The following ARMH4 variants were observed in gnomAD, a reference collection of about 807,000 sequenced individuals.
The protein encoded by ARMH4 is armadillo like helical domain containing 4, also known as armadillo-like helical domain-containing protein 4.
In ARMH4, 49 loss-of-function variants were observed where a neutral mutation model predicts 61.9. The observed-to-expected ratio is 0.79, with a 90% CI of 0.63 to 1.00. The LOEUF is 1.00. ARMH4 is among the 50% of genes least tolerant of loss of function. ARMH4 has a pLI of 0.00. For synonymous variants in ARMH4, 368 were observed against 341.5 expected, an observed-to-expected ratio of 1.08 and a Z score of -0.85; for missense variants, 934 against 930.0, an observed-to-expected ratio of 1.00 and a Z score of -0.06.
At chr14:58,078,604 C>G (rs966210862) in intron 5 of ARMH4, among the ~76,000 whole-genome samples, 1 of 152,232 alleles carries the variant, frequency 6.6e-6, no homozygotes, top group African/African-American at 2.4e-5. Context: ...CTTGACTGGC[C>G]TAAGCCAGAT....
At chr14:58,137,526 G>C (rs904130282) in intron 2 of ARMH4, among the ~76,000 whole-genome samples, 6 of 152,118 alleles carry the variant, frequency 3.9e-5, no homozygotes, top group African/African-American at 1.4e-4. Context: ...AGCCTCCCGA[G>C]TAGCTGGGAT....
At chr14:58,029,486 G>A (rs1321754924) in intron 5 of ARMH4, among the ~76,000 whole-genome samples, 3 of 152,010 alleles carry the variant, frequency 2.0e-5, no homozygotes, top group Admixed American at 6.6e-5. Flanking sequence ...CGCCTACCTC[G>A]GCCTCCCAAA....
intron 5 of ARMH4, among the ~76,000 whole-genome samples, chr14:58,081,646 A>G (rs1324792297): frequency 4.6e-5 from 7 of 151,936 alleles, no homozygotes; most frequent in South Asian, 2.1e-4. Flanking sequence ...GACTACAGGC[A>G]CCCACCACCA....
intron 4 of ARMH4, among the ~76,000 whole-genome samples, chr14:58,117,890 C>T (rs888053275): frequency 1.3e-5 from 2 of 151,522 alleles, no homozygotes; most frequent in African/African-American, 4.9e-5. Flanking sequence ...TCCTGAACAG[C>T]TGAGACTACA....
At chr14:58,122,405 G>A (rs573443034) in intron 4 of ARMH4, among the ~76,000 whole-genome samples, 36 of 152,270 alleles carry the variant, frequency 2.4e-4, no homozygotes, top group African/African-American at 7.0e-4. Flanking sequence ...GAGACTAAGG[G>A]AGGCATTGAG....
intron 5 of ARMH4, among the ~76,000 whole-genome samples, chr14:58,076,725 C>T (rs749871150): frequency 1.3e-5 from 2 of 152,054 alleles, no homozygotes; most frequent in Non-Finnish European, 2.9e-5. Context: ...GAACTTGATC[C>T]TGGGTAAACT....
intron 2 of ARMH4, among the ~76,000 whole-genome samples, chr14:58,136,472 T>C (rs932472894): frequency 6.6e-6 from 1 of 152,166 alleles, no homozygotes; most frequent in Non-Finnish European, 1.5e-5. Flanking sequence ...ACAAGACATT[T>C]TATGGAAGCT....
chr14:58,094,642 T>C (rs1475679628), intron 5 of ARMH4, among the ~76,000 whole-genome samples: 1 of 152,230 alleles, frequency 6.6e-6, no homozygotes, highest in Non-Finnish European at 1.5e-5. Flanking sequence ...TACAACATAG[T>C]TGAATCTCAA....
At chr14:58,142,006 T>A (rs1214450667) in intron 1 of ARMH4, among the ~76,000 whole-genome samples, 1 of 152,166 alleles carries the variant, frequency 6.6e-6, no homozygotes, top group Non-Finnish European at 1.5e-5. Context: ...ACATTCTCAT[T>A]ACAACTAAAA....
rs1024966192 is a variant in ARMH4, at chr14:58,038,515, C to T, written c.2090-26365G>A. Among the ~76,000 whole-genome samples the T allele has an allele frequency of 3.0e-4, 38 of 128,776 alleles. 1 individual carries two copies. The highest frequency in any genetic ancestry group is 1.6e-5 in the Non-Finnish European group (1 of 61,226). 84.5% of individuals were successfully genotyped at this position (128,776 alleles called of 152,430 possible). A position where few individuals can be genotyped will look rare whatever the true frequency, so the allele number is the denominator to read the frequency against. On this transcript the variant is annotated intron_variant, in intron 5 of 7. Coordinates refer to ENST00000267485, the MANE Select transcript of ARMH4 (RefSeq NM_001001872.4). ...CATGTATACATATGTAACTAACCTG[C>T]ACAATGTGCACATGTACCCTAAAAT...
At chr14:58,013,128 C>T (rs1001704583) in intron 5 of ARMH4, among the ~76,000 whole-genome samples, 2 of 152,102 alleles carry the variant, frequency 1.3e-5, no homozygotes, top group African/African-American at 4.8e-5. Flanking sequence ...TCAGAAGCTT[C>T]AACAGACAGG....
At chr14:58,071,974 T>C (rs1310518770) in intron 5 of ARMH4, among the ~76,000 whole-genome samples, 2 of 152,268 alleles carry the variant, frequency 1.3e-5, no homozygotes, top group African/African-American at 2.4e-5. Flanking sequence ...TGCTATTTTA[T>C]GCAAGAGATC....
At chr14:58,100,518 T>C (rs1289782617) in intron 4 of ARMH4, among the ~76,000 whole-genome samples, 2 of 152,048 alleles carry the variant, frequency 1.3e-5, no homozygotes, top group African/African-American at 2.4e-5. Context: ...AGGGTACTGA[T>C]TGTGTGTGAA....
intron 5 of ARMH4, among the ~76,000 whole-genome samples, chr14:58,057,850 C>G (rs1453346023): frequency 6.6e-6 from 1 of 152,188 alleles, no homozygotes; most frequent in East Asian, 1.9e-4. Context: ...TATGCAACCA[C>G]TCTACTTTCA....
rs78945601 is a variant in ARMH4, at chr14:58,047,849, T to C, written c.2090-35699A>G. 5.9e-3 allele frequency among the ~76,000 whole-genome samples: 892 copies of C among 151,846 alleles called. 11 individuals are homozygous for C. Among genetic ancestry groups the C allele is most frequent in the African/African-American group, 0.02 (827 of 41,388 alleles). ...CTTAGGGACCCGCCAAGTCCCCAGG[T>C]CATAAGTCAAGCAAACCACCAAATA... On this transcript the variant is annotated intron_variant, in intron 5 of 7. Transcript: ENST00000267485.
At chr14:58,118,100 T>A (rs940962527) in intron 4 of ARMH4, among the ~76,000 whole-genome samples, 3 of 152,114 alleles carry the variant, frequency 2.0e-5, no homozygotes, top group Non-Finnish European at 4.4e-5. Flanking sequence ...GGAGGCTTCA[T>A]AGAGGAGAAT....
chr14:58,146,629 A>G (rs1887738052), intron 1 of ARMH4, among the ~76,000 whole-genome samples: 1 of 152,236 alleles, frequency 6.6e-6, no homozygotes, highest in African/African-American at 2.4e-5. Context: ...ACATAGCTAC[A>G]GTCCAGAATC....
At position 58,145,450 on chromosome 14, in the gene ARMH4, T is replaced by C. The variant is rs192627565; in HGVS notation, c.-56-6036A>G. Among the ~76,000 whole-genome samples the C allele has an allele frequency of 2.9e-3, 447 of 152,358 alleles. 2 individuals carry two copies. Among genetic ancestry groups the C allele is most frequent in the Non-Finnish European group, 4.5e-3 (309 of 68,026 alleles). Reference sequence around the variant, plus strand: ...CTCAAATGGTGGAGCAGATGCTTTATGTGCTATGTGTATGTTCTGGAGTCA... The same window carrying C: ...CTCAAATGGTGGAGCAGATGCTTTACGTGCTATGTGTATGTTCTGGAGTCA... On this transcript the variant is annotated intron_variant, in intron 1 of 7. Coordinates refer to ENST00000267485, the MANE Select transcript of ARMH4 (RefSeq NM_001001872.4).
chr14:58,137,967 G>GTT, intron 2 of ARMH4, 23 bp downstream of exon 2: 1 of 1,565,178 alleles, frequency 6.4e-7, no homozygotes. Flanking sequence ...ACCAAAGTTT[G>GTT]TTTTTCTTTT....
Sources: gnomAD v4.1 joint callset for allele counts (sites outside exome capture counted in the v4.1 genomes callset) on GRCh38, gnomAD v4.1.1 for gene constraint, MANE v1.5 for transcripts, NCBI Gene and HGNC (gene_info 2026-07-23, HGNC 2026-07-21) for gene names.